The following DOK6 variants were observed in gnomAD, a reference collection of about 807,000 sequenced individuals.
DOK6 encodes docking protein 6.
Under a neutral mutation model 44.0 loss-of-function variants are expected in DOK6, and 22 were observed. That is an observed-to-expected ratio of 0.50 (90% CI 0.36 to 0.71). DOK6 has a LOEUF of 0.71. Ranked by LOEUF, DOK6 falls within the 30% of genes least tolerant of loss-of-function variation. The pLI is 0.00. For missense variants in DOK6, 340 were observed against 416.4 expected (o/e 0.82, Z 1.60); for synonymous variants, 166 against 145.5 (o/e 1.14, Z -1.01).
intron 1 of DOK6, among the ~76,000 whole-genome samples, chr18:69,546,048 C>A (rs1468837534): frequency 6.6e-6 from 1 of 151,160 alleles, no homozygotes; most frequent in African/African-American, 2.4e-5. Flanking sequence ...GAGGCCAAGG[C>A]GGGCGGATCA....
intron 7 of DOK6, among the ~76,000 whole-genome samples, chr18:69,760,579 T>C (rs1979518921): frequency 6.6e-6 from 1 of 152,128 alleles, no homozygotes; most frequent in Non-Finnish European, 1.5e-5. Flanking sequence ...AGTGCGCAGC[T>C]TGACCTCTTG....
At chr18:69,796,753 A>G (rs764591736) in intron 7 of DOK6, among the ~76,000 whole-genome samples, 1 of 151,578 alleles carries the variant, frequency 6.6e-6, no homozygotes, top group Non-Finnish European at 1.5e-5. Context: ...GTCAATCTCC[A>G]CAACTGTGAA....
intron 1 of DOK6, among the ~76,000 whole-genome samples, chr18:69,455,156 CAAAAAAAAA>C (rs58451274): frequency 8.5e-6 from 1 of 117,448 alleles, no homozygotes; most frequent in Non-Finnish European, 1.8e-5. Context: ...ATAGCTATAG[CAAAAAAAAA>C]AAAAAAAAAG....
At chr18:69,490,520 G>T (rs1980705987) in intron 1 of DOK6, among the ~76,000 whole-genome samples, 1 of 152,000 alleles carries the variant, frequency 6.6e-6, no homozygotes, top group South Asian at 2.1e-4. Flanking sequence ...AGGGAAATTT[G>T]ATTCATTAAT....
chr18:69,583,990 C>A (rs192494384), intron 2 of DOK6, among the ~76,000 whole-genome samples: 1 of 151,282 alleles, frequency 6.6e-6, no homozygotes, highest in Non-Finnish European at 1.5e-5. Context: ...CGCCTGTAGT[C>A]CCAGCTACTC....
At chr18:69,567,297 T>A (rs1412890081) in intron 2 of DOK6, among the ~76,000 whole-genome samples, 1 of 152,112 alleles carries the variant, frequency 6.6e-6, no homozygotes, top group Non-Finnish European at 1.5e-5. Flanking sequence ...AATGTAAATA[T>A]GTAATAAATG....
chr18:69,746,838 T>C (rs985830908), intron 6 of DOK6, among the ~76,000 whole-genome samples: 1 of 152,160 alleles, frequency 6.6e-6, no homozygotes, highest in African/African-American at 2.4e-5. Flanking sequence ...AGGTGTTCTG[T>C]CTTGAACATG....
chr18:69,658,188 G>A (rs1985418351), intron 3 of DOK6, among the ~76,000 whole-genome samples: 2 of 152,164 alleles, frequency 1.3e-5, no homozygotes, highest in Middle Eastern at 3.4e-3. Context: ...CTGGCCTCAA[G>A]AGATCCTCCC....
intron 1 of DOK6, among the ~76,000 whole-genome samples, chr18:69,494,235 G>A (rs918773819): frequency 6.6e-6 from 1 of 152,138 alleles, no homozygotes. Flanking sequence ...TAGAACTTTG[G>A]GAGGCCAAGG....
intron 1 of DOK6, among the ~76,000 whole-genome samples, chr18:69,465,464 A>C (rs1201653771): frequency 2.0e-4 from 28 of 137,132 alleles, no homozygotes; most frequent in East Asian, 6.7e-4. Flanking sequence ...CGCTCCCCCC[A>C]CCCCACAACA....
chr18:69,428,440 C>T (rs1029913494), intron 1 of DOK6, among the ~76,000 whole-genome samples: 1 of 151,770 alleles, frequency 6.6e-6, no homozygotes, highest in African/African-American at 2.4e-5. Context: ...CTACAATTGC[C>T]CTTTCAAGAA....
intron 1 of DOK6, among the ~76,000 whole-genome samples, chr18:69,509,420 G>A (rs1418626491): frequency 6.6e-6 from 1 of 151,916 alleles, no homozygotes; most frequent in Non-Finnish European, 1.5e-5. Flanking sequence ...GGCGGATCAC[G>A]AGGTCAGGAG....
intron 7 of DOK6, among the ~76,000 whole-genome samples, chr18:69,775,016 A>G (rs1980017301): frequency 1.3e-5 from 2 of 151,968 alleles, no homozygotes. Flanking sequence ...GACATCAGAT[A>G]TCTCAATAGC....
rs139034820 is a variant in DOK6, at chr18:69,611,344, G to A, written c.289+11846G>A. 5.0e-3 allele frequency among the ~76,000 whole-genome samples: 761 copies of A among 152,228 alleles called. 8 individuals carry two copies. Among genetic ancestry groups the A allele is most frequent in the African/African-American group, 0.017 (724 of 41,524 alleles). On this transcript the variant is annotated intron_variant, in intron 3 of 7. Transcript: ENST00000382713. ...AGGATGCAGAAGAACTAGATCTCTC[G>A]TATGTTGCTGATGGGAAATGTAAAA...
intron 5 of DOK6, among the ~76,000 whole-genome samples, chr18:69,704,681 G>A (rs138465664): frequency 0.015 from 2,348 of 152,062 alleles, 70 homozygotes; most frequent in African/African-American, 0.054. Flanking sequence ...GGGTTTCACC[G>A]TGTTAGCCAA....
intron 5 of DOK6, chr18:69,725,104 A>G (rs1167521883): frequency 6.6e-6 from 1 of 152,188 alleles, no homozygotes; most frequent in East Asian, 1.9e-4. Flanking sequence ...AACTGAAACT[A>G]TTTTTGGAAA....
chr18:69,561,076 C>T (rs2144595349), intron 1 of DOK6, among the ~76,000 whole-genome samples: 1 of 152,152 alleles, frequency 6.6e-6, no homozygotes, highest in Middle Eastern at 3.4e-3. Flanking sequence ...AAAATTGTAC[C>T]TACTCTATAA....
At chr18:69,826,067 G>C (rs1981731915) in intron 7 of DOK6, among the ~76,000 whole-genome samples, 1 of 152,134 alleles carries the variant, frequency 6.6e-6, no homozygotes, top group Non-Finnish European at 1.5e-5. Flanking sequence ...GTGTACTTCA[G>C]TGTCCTCATC....
intron 7 of DOK6, among the ~76,000 whole-genome samples, chr18:69,814,833 AAC>A (rs1981349198): frequency 6.6e-6 from 1 of 152,136 alleles, no homozygotes; most frequent in African/African-American, 2.4e-5. Flanking sequence ...ACCCTCCCCC[AAC>A]ACATGGAGAT....
Sources: allele counts gnomAD v4.1 joint callset (sites outside exome capture counted in the v4.1 genomes callset), GRCh38; gene constraint gnomAD v4.1.1; transcripts MANE v1.5; gene names NCBI Gene and HGNC (gene_info 2026-07-23, HGNC 2026-07-21).